The following INSL6 variants were observed in gnomAD, a reference collection of about 807,000 sequenced individuals.
INSL6 encodes the protein insulin like 6.
A neutral mutation model predicts 9.4 loss-of-function variants in INSL6; 16 were observed. The ratio of observed to expected loss-of-function variants is 1.70; its 90% CI spans 1.15 to 2.59. The LOEUF (loss-of-function observed/expected upper bound fraction) is 2.59, where lower values mean the gene tolerates loss of function less well. Among genes scored for constraint, INSL6 ranks in the 30% most tolerant of loss-of-function variants. The pLI is 0.00. For missense variants in INSL6, 391 were observed against 257.3 expected (o/e 1.52, Z -3.56); for synonymous variants, 154 against 96.9 (o/e 1.59, Z -3.46).
chr9:5,068,097 T>C, the INSL6 span, among the ~76,000 whole-genome samples: 1 of 150,834 alleles, frequency 6.6e-6, no homozygotes, highest in African/African-American at 2.4e-5. Flanking sequence ...GAGGTGGAGG[T>C]TGCAGTGAGT....
At chr9:5,093,621 G>A in the INSL6 span, among the ~76,000 whole-genome samples, 35 of 152,100 alleles carry the variant, frequency 2.3e-4, 1 homozygote, top group Admixed American at 2.3e-3. Context: ...TTTGGTTGGG[G>A]TGACCTCATA....
At chr9:5,021,945 TA>T in the INSL6 span, 1 of 1,470,876 alleles carries the variant, frequency 6.8e-7, no homozygotes, top group South Asian at 1.1e-5. Context: ...TTTGTAACTT[TA>T]TTGTTTTCTC....
the INSL6 span, chr9:5,022,064 C>A: frequency 6.2e-7 from 1 of 1,614,018 alleles, no homozygotes; most frequent in Non-Finnish European, 8.5e-7. Context: ...GGTGATATTT[C>A]TGGAAATGCC....
At chr9:5,109,578 G>A in the INSL6 span, 2 of 152,108 alleles carry the variant, frequency 1.3e-5, no homozygotes, top group Non-Finnish European at 2.9e-5. Context: ...TGCAAAAGAA[G>A]ATTCATACCC....
the INSL6 span, among the ~76,000 whole-genome samples, chr9:4,995,869 A>C: frequency 6.6e-6 from 1 of 152,008 alleles, no homozygotes; most frequent in Non-Finnish European, 1.5e-5. Context: ...CTTTATTGTG[A>C]AGTATTAAGT....
At chr9:5,068,172 AAC>A in the INSL6 span, among the ~76,000 whole-genome samples, 6 of 85,080 alleles carry the variant, frequency 7.1e-5, no homozygotes, top group East Asian at 2.7e-4. Flanking sequence ...AAAAAACAAC[AAC>A]AAAAAAAAAA....
the INSL6 span, among the ~76,000 whole-genome samples, chr9:5,052,409 T>C: frequency 6.6e-6 from 1 of 152,132 alleles, no homozygotes; most frequent in Non-Finnish European, 1.5e-5. Context: ...CTGCATCATT[T>C]TTTTTTACTG....
chr9:5,102,728 A>G, the INSL6 span, among the ~76,000 whole-genome samples: 26 of 152,226 alleles, frequency 1.7e-4, no homozygotes, highest in African/African-American at 5.5e-4. Context: ...AAGAGAGTGG[A>G]GGCCAATATT....
chr9:5,109,754 T>C, the INSL6 span: 2 of 152,210 alleles, frequency 1.3e-5, no homozygotes, highest in Admixed American at 1.3e-4. Context: ...TTTATTCTAG[T>C]AGCACTATTT....
chr9:4,993,116 G>T, the INSL6 span, among the ~76,000 whole-genome samples: 1 of 152,142 alleles, frequency 6.6e-6, no homozygotes, highest in Non-Finnish European at 1.5e-5. Flanking sequence ...TAAAAACTTT[G>T]TGGACTTCCT....
chr9:5,103,221 C>CAAAAAAA, the INSL6 span, among the ~76,000 whole-genome samples: 4 of 6,872 alleles, frequency 5.8e-4, 1 homozygote, highest in East Asian at 3.6e-3. Flanking sequence ...AAAGGGAAAG[C>CAAAAAAA]AAAAAAAAAA....
the INSL6 span, among the ~76,000 whole-genome samples, chr9:5,065,751 G>C: frequency 1.3e-5 from 2 of 152,090 alleles, no homozygotes; most frequent in Admixed American, 6.5e-5. Flanking sequence ...TCTTAGCTAG[G>C]ATGTGGTTTA....
intron 3 of INSL6, among the ~76,000 whole-genome samples, chr9:5,132,470 T>C (rs1418080435): frequency 1.3e-5 from 2 of 152,172 alleles, no homozygotes; most frequent in African/African-American, 2.4e-5. Flanking sequence ...TTCTAGTAAT[T>C]GCCTAGGCCA....
At chr9:5,056,814 C>T in the INSL6 span, among the ~76,000 whole-genome samples, 2 of 152,120 alleles carry the variant, frequency 1.3e-5, no homozygotes, top group Non-Finnish European at 2.9e-5. Context: ...AAGAACTTCT[C>T]CATGGGACTG....
chr9:5,009,616 T>C, the INSL6 span, among the ~76,000 whole-genome samples: 1 of 152,204 alleles, frequency 6.6e-6, no homozygotes, highest in East Asian at 1.9e-4. Flanking sequence ...TGGTCCATTT[T>C]GGTCTTACTC....
At chr9:5,117,796 T>A in the INSL6 span, among the ~76,000 whole-genome samples, 26 of 152,294 alleles carry the variant, frequency 1.7e-4, 1 homozygote, top group South Asian at 2.5e-3. Flanking sequence ...CGAGGAAGCC[T>A]GAGATCAAAA....
intron 2 of INSL6, among the ~76,000 whole-genome samples, chr9:5,146,358 G>A (rs1044131452): frequency 6.6e-6 from 1 of 152,174 alleles, no homozygotes; most frequent in African/African-American, 2.4e-5. Context: ...AGTGCTAGTG[G>A]ATTCAGGGGT....
chr9:5,047,249 AC>A, the INSL6 span, among the ~76,000 whole-genome samples: 1 of 152,256 alleles, frequency 6.6e-6, no homozygotes, highest in Non-Finnish European at 1.5e-5. Flanking sequence ...CAGTGGCATT[AC>A]CAGAGTGTAA....
At chr9:5,070,684 G>T in the INSL6 span, among the ~76,000 whole-genome samples, 7 of 151,826 alleles carry the variant, frequency 4.6e-5, no homozygotes, top group Non-Finnish European at 8.8e-5. Flanking sequence ...TGCAGAACCC[G>T]CCCTGCCAGT....
Sources: gnomAD v4.1 joint callset for allele counts (sites outside exome capture counted in the v4.1 genomes callset) on GRCh38, gnomAD v4.1.1 for gene constraint, MANE v1.5 for transcripts, NCBI Gene and HGNC (gene_info 2026-07-23, HGNC 2026-07-21) for gene names.